Variants in CPAMD8 observed in about 807,000 individuals in gnomAD.
The protein encoded by CPAMD8 is C3 and PZP-like alpha-2-macroglobulin domain-containing protein 8.
A neutral mutation model predicts 224.7 loss-of-function variants in CPAMD8; 146 were observed. That is an observed-to-expected ratio of 0.65 (90% CI 0.57 to 0.75). The LOEUF is 0.75. Among genes scored for constraint, CPAMD8 ranks in the 30% least tolerant of loss-of-function variants. The pLI is 0.00. For missense variants in CPAMD8, 2,301 were observed against 2,537.5 expected (o/e 0.91, Z 2.00); for synonymous variants, 966 against 1,044.6 (o/e 0.92, Z 1.45).
intron 18 of CPAMD8, among the ~76,000 whole-genome samples, chr19:16,970,536 G>A (rs1029438445): frequency 6.6e-6 from 1 of 151,948 alleles, no homozygotes; most frequent in African/African-American, 2.4e-5. Context: ...AGGGAGCCAA[G>A]ATCACACCAC....
Position 16,897,820 on chromosome 19 carries a change from G to T in CPAMD8, c.4955-19C>A. On this transcript the variant is annotated intron_variant, in intron 38 of 41. Coordinates refer to ENST00000443236, the MANE Select transcript of CPAMD8 (RefSeq NM_015692.5). ...TCGAAGGCTACGGGACGAGGGTGGC[G>T]GGTGACCAAGTGCAGGCGCGACGGG... 1 of 1,573,178 alleles carries T rather than the reference G, an allele frequency of 6.4e-7. No individual in the cohort carries two copies. Among genetic ancestry groups the T allele is most frequent in the Non-Finnish European group, 8.6e-7 (1 of 1,156,596 alleles).
rs8101742 is a variant in CPAMD8 at position 16,975,478 on chromosome 19, A to T, written c.1909-220T>A. On this transcript the variant is annotated intron_variant, in intron 16 of 41. Transcript: ENST00000443236. ...TCCCAGTTACTGGGGAGGCTGAAAC[A>T]GGAGGCTGGCTTGTGCAAAGGAGTT... Among the ~76,000 whole-genome samples the T allele has an allele frequency of 0.066, 10,072 of 152,126 alleles. 1,177 individuals carry two copies. Among genetic ancestry groups the T allele is most frequent in the African/African-American group, 0.23 (9,536 of 41,466 alleles).
intron 8 of CPAMD8, among the ~76,000 whole-genome samples, chr19:17,003,778 CAA>C (rs1318753832): frequency 2.7e-4 from 30 of 111,934 alleles, no homozygotes; most frequent in Admixed American, 3.7e-4. Context: ...AACCCTGCCT[CAA>C]AAAAAAAAAA....
At chr19:16,957,762 G>A (rs2054518003) in intron 19 of CPAMD8, 91 bp downstream of exon 19, 3 of 1,181,308 alleles carry the variant, frequency 2.5e-6, no homozygotes, top group Admixed American at 3.6e-5. Flanking sequence ...TTGGTATCAG[G>A]CCTGCCCATC....
intron 3 of CPAMD8, 22 bp downstream of exon 3, chr19:17,020,309 A>G (rs1388221889): frequency 2.6e-6 from 4 of 1,556,344 alleles, no homozygotes; most frequent in Middle Eastern, 1.7e-4. Flanking sequence ...CAGGTTTATG[A>G]TTTTAAAAAT....
intron 9 of CPAMD8, among the ~76,000 whole-genome samples, chr19:17,001,119 C>G (rs940428124): frequency 6.6e-6 from 1 of 151,780 alleles, no homozygotes; most frequent in Non-Finnish European, 1.5e-5. Context: ...GTCAGGAGTT[C>G]GAGACCAGCC....
At chr19:17,000,930 A>G (rs1308845367) in intron 9 of CPAMD8, among the ~76,000 whole-genome samples, 1 of 152,142 alleles carries the variant, frequency 6.6e-6, no homozygotes, top group Non-Finnish European at 1.5e-5. Context: ...AGAGAATGGG[A>G]CTCAAACTAC....
intron 29 of CPAMD8, among the ~76,000 whole-genome samples, chr19:16,908,039 A>ACCTG (rs1477078138): frequency 6.6e-6 from 1 of 152,144 alleles, no homozygotes; most frequent in African/African-American, 2.4e-5. Flanking sequence ...TGTCCCACCC[A>ACCTG]GCCCCATGGC....
chr19:16,975,203 T>A lies in CPAMD8; in HGVS notation c.1964A>T (p.Glu655Val), dbSNP rs200070975. Reference sequence around the variant, plus strand: ...CCCAGCCCACCAAAAAGGACCATCCTCCCTGGACACGCCAAAGGAATCAGA... The same window carrying A: ...CCCAGCCCACCAAAAAGGACCATCCACCCTGGACACGCCAAAGGAATCAGA... ...DVSDSFGVSR[E>V]DGPFWWAGLT... Residue 655 changes from glutamate to valine, a missense_variant, in exon 17 of 42, where the codon GAG (glutamate) becomes GTG (valine). This residue lies in a region of CPAMD8 where 1,709 missense variants were observed against 1,753.2 expected (regional missense o/e 0.97). Transcript: ENST00000443236. The A allele has an allele frequency of 6.8e-6, 11 of 1,610,790 alleles. No individual in the cohort carries two copies. Among genetic ancestry groups the A allele is most frequent in the Non-Finnish European group, 8.5e-6 (10 of 1,178,644 alleles).
At chr19:17,002,520 G>A (rs1479142997) in intron 8 of CPAMD8, 170 bp from the exon 9 acceptor site, 3 of 512,794 alleles carry the variant, frequency 5.9e-6, no homozygotes, top group East Asian at 3.2e-5. Flanking sequence ...TTTGTGGGCT[G>A]CATCTATTTC....
intron 1 of CPAMD8, 51 bp from the exon 2 acceptor site, chr19:17,022,232 C>G: frequency 6.3e-7 from 1 of 1,576,496 alleles, no homozygotes; most frequent in Non-Finnish European, 8.6e-7. Flanking sequence ...CCCCTGGTCT[C>G]GCTGCCACCA....
chr19:16,988,327 C>G (rs141470965), intron 13 of CPAMD8, among the ~76,000 whole-genome samples: 1 of 152,022 alleles, frequency 6.6e-6, no homozygotes, highest in African/African-American at 2.4e-5. Flanking sequence ...TAAATAGCAA[C>G]GAGCCGGGCG....
chr19:16,944,888 G>T (rs1031887422), intron 22 of CPAMD8, among the ~76,000 whole-genome samples: 1 of 151,744 alleles, frequency 6.6e-6, no homozygotes, highest in African/African-American at 2.4e-5. Flanking sequence ...TGCTGTTAGG[G>T]GCTGTTGGTG....
chr19:17,000,616 T>G, intron 9 of CPAMD8, 94 bp from the exon 10 acceptor site: 66 of 661,116 alleles, frequency 1.0e-4, no homozygotes, highest in East Asian at 8.0e-5. Context: ...GTGTGGCCAC[T>G]AGTACAGTGA....
At position 16,928,051 on chromosome 19, in the gene CPAMD8, C is replaced by T. The variant is rs762553820; in HGVS notation, c.3328G>A (p.Gly1110Ser). 2.1e-5 allele frequency: 34 copies of T among 1,613,806 alleles called. No individual in the cohort carries two copies. In the African/African-American group the frequency reaches 2.4e-4, roughly 11 times the overall value. The change falls in exon 25 of 42, where the codon GGC becomes AGC. Residue 1110 changes from glycine to serine, a missense_variant. Around this residue, in one of 4 missense-constraint regions of CPAMD8, gnomAD observed 1,709 missense variants for 1,753.2 expected, o/e 0.97. Coordinates refer to ENST00000443236, the MANE Select transcript of CPAMD8 (RefSeq NM_015692.5). Reference protein sequence around the residue: ...SEAFTLGVPHGAIPGSERATA... With the variant: ...SEAFTLGVPHSAIPGSERATA... The stretch of plus-strand genomic sequence containing the variant: ...GCTCGCTCAGACCCAGGGATGGCGC[C>T]GTGTGGGACCCCCAGGGTGAAGGCC...
intron 19 of CPAMD8, among the ~76,000 whole-genome samples, chr19:16,952,654 G>A (rs2054335168): frequency 6.6e-6 from 1 of 152,088 alleles, no homozygotes; most frequent in South Asian, 2.1e-4. Context: ...TCCAGCCTCA[G>A]CAACAGAGTG....
At position 16,982,637 on chromosome 19, in the gene CPAMD8, C is replaced by T. The variant is rs536763093; in HGVS notation, c.1396-1951G>A. Reference sequence around the variant, plus strand: ...ATTGCTTGAGTTCAGGAGTTCAAGACCAGCCTGAACAACATGGCAAAACTC... The same window carrying T: ...ATTGCTTGAGTTCAGGAGTTCAAGATCAGCCTGAACAACATGGCAAAACTC... On this transcript the variant is annotated intron_variant, in intron 13 of 41. Transcript: ENST00000443236. Among the ~76,000 whole-genome samples, 28 of 151,974 alleles carry T rather than the reference C, an allele frequency of 1.8e-4. No homozygotes were observed. The South Asian group carries it at 5.6e-3, about 31-fold the overall frequency.
At position 16,904,612 on chromosome 19, in the gene CPAMD8, T is replaced by C. The variant is rs1599663372; in HGVS notation, c.4028-60A>G. 12 of 1,175,472 alleles carry C rather than the reference T, an allele frequency of 1.0e-5. No individual in the cohort carries two copies. The East Asian group carries it at 2.8e-4, about 27-fold the overall frequency. 72.8% of individuals were successfully genotyped at this position (1,175,472 alleles called of 1,614,324 possible). A position where few individuals can be genotyped will look rare whatever the true frequency, so the allele number is the denominator to read the frequency against. On this transcript the variant is annotated intron_variant, in intron 30 of 41. Transcript: ENST00000443236. The stretch of plus-strand genomic sequence containing the variant: ...ACCCAGTGTGTAGCCTGGCATCCCA[T>C]GGAGCGCATCCAAGCATGGGGTCTA...
intron 7 of CPAMD8, among the ~76,000 whole-genome samples, chr19:17,004,680 A>G (rs949878466): frequency 5.3e-5 from 8 of 152,176 alleles, no homozygotes; most frequent in Admixed American, 2.6e-4. Context: ...TGGACAAACG[A>G]GGGAAATGAG....
Sources: allele counts gnomAD v4.1 joint callset (sites outside exome capture counted in the v4.1 genomes callset), GRCh38; gene constraint gnomAD v4.1.1; regional missense constraint gnomAD v4.1.1; transcripts MANE v1.5; gene names NCBI Gene and HGNC (gene_info 2026-07-23, HGNC 2026-07-21).